The following NUDT21 variants were observed in gnomAD, a reference collection of about 807,000 sequenced individuals.
NUDT21 encodes the protein cleavage and polyadenylation specificity factor subunit 5.
In NUDT21, 5 loss-of-function variants were observed where a neutral mutation model predicts 29.8. The observed-to-expected ratio is 0.17, with a 90% CI of 0.09 to 0.35. NUDT21 has a LOEUF of 0.35. NUDT21 is among the 10% of genes least tolerant of loss of function. The probability of loss-of-function intolerance (pLI) is 1.00; values close to 1 mark genes in which losing one functional copy is unlikely to be tolerated. For missense variants in NUDT21, 76 were observed against 276.0 expected (o/e 0.28, Z 5.13); for synonymous variants, 113 against 98.5 (o/e 1.15, Z -0.87).
At chr16:56,438,144 C>T (rs1400577882) in intron 4 of NUDT21, among the ~76,000 whole-genome samples, 1 of 152,150 alleles carries the variant, frequency 6.6e-6, no homozygotes, top group Non-Finnish European at 1.5e-5. Flanking sequence ...CCTCCTATAG[C>T]GTACCAGGGT....
intron 6 of NUDT21, 106 bp from the exon 7 acceptor site, chr16:56,432,839 G>T: frequency 1.2e-6 from 1 of 805,174 alleles, no homozygotes. Context: ...TAGCATGTCT[G>T]GCATTTTCTT....
At chr16:56,435,743 T>TATATATATA (rs1491361552) in intron 4 of NUDT21, among the ~76,000 whole-genome samples, 9 of 27,048 alleles carry the variant, frequency 3.3e-4, no homozygotes, top group African/African-American at 5.6e-4. Context: ...AAAAAAAAAA[T>TATATATATA]TATATATATA....
At position 56,442,030 on chromosome 16, in the gene NUDT21, C is replaced by T. The variant is rs144574008; in HGVS notation, c.382-2284G>A. Among the ~76,000 whole-genome samples the T allele has an allele frequency of 2.9e-3, 435 of 152,306 alleles. 13 individuals carry two copies. In the South Asian group the frequency reaches 0.047, roughly 17 times the overall value. ...TCAGCCTCCCCTGCCCCCAGCCTCC[C>T]GAGTAGCTGGGACTACAGATGCAAG... is the stretch of plus-strand genomic sequence containing the variant. On this transcript the variant is annotated intron_variant, in intron 3 of 6. Transcript: ENST00000300291.
intron 3 of NUDT21, among the ~76,000 whole-genome samples, chr16:56,446,346 G>A (rs1311356062): frequency 6.6e-6 from 1 of 152,102 alleles, no homozygotes; most frequent in African/African-American, 2.4e-5. Context: ...GGTGATTAAA[G>A]GAATTAGCGC....
In NUDT21 at chr16:56,447,699, A is replaced by C. The variant is rs1002322328; in HGVS notation, c.317+90T>G. ...ATTAACAGCAGTGTTTGTTGAAATG[A>C]ATGACCGAGGGCTAAAATTGTATTC... On this transcript the variant is annotated intron_variant, in intron 2 of 6. Transcript: ENST00000300291. 46 of 1,156,158 alleles carry C rather than the reference A, an allele frequency of 4.0e-5. 1 individual carries two copies. The Middle Eastern group carries it at 6.0e-4, about 15-fold the overall frequency. 71.6% of individuals were successfully genotyped at this position (1,156,158 alleles called of 1,614,324 possible). A position where few individuals can be genotyped will look rare whatever the true frequency, so the allele number is the denominator to read the frequency against.
chr16:56,432,748 G>T lies in NUDT21; in HGVS notation c.663-15C>A. 1 of 1,583,936 alleles carries T rather than the reference G, an allele frequency of 6.3e-7. No individual in the cohort carries two copies. The highest frequency in any genetic ancestry group is 8.7e-7 in the Non-Finnish European group (1 of 1,154,496). On this transcript the variant is annotated splice_polypyrimidine_tract_variant and intron_variant, in intron 6 of 6. Coordinates refer to ENST00000300291, the MANE Select transcript of NUDT21 (RefSeq NM_007006.3). ...TAAAATTGAACCTGAATTTTAAAAAGAACAATACCTTTATTAAAGACAGTA... is the reference window on the plus strand; with the variant it reads ...TAAAATTGAACCTGAATTTTAAAAATAACAATACCTTTATTAAAGACAGTA...
rs183496351 is a variant in NUDT21, at chr16:56,447,688, T to G, written c.317+101A>C. ...CTAAAGACATCATTAACAGCAGTGT[T>G]TGTTGAAATGAATGACCGAGGGCTA... On this transcript the variant is annotated intron_variant, in intron 2 of 6. Coordinates refer to ENST00000300291, the MANE Select transcript of NUDT21 (RefSeq NM_007006.3). 92 of 986,522 alleles carry G rather than the reference T, an allele frequency of 9.3e-5. 1 individual carries two copies. In the African/African-American group the frequency reaches 1.4e-3, roughly 15 times the overall value. 61.1% of individuals were successfully genotyped at this position (986,522 alleles called of 1,614,324 possible). A position where few individuals can be genotyped will look rare whatever the true frequency, so the allele number is the denominator to read the frequency against.
Position 56,429,727 on chromosome 16 carries a change from T to G in NUDT21, c.*2985A>C, listed in dbSNP as rs1255878087. 1 of 152,220 alleles carries G rather than the reference T, an allele frequency of 6.6e-6. No homozygotes were observed. The highest frequency in any genetic ancestry group is 2.4e-5 in the African/African-American group (1 of 41,468). The allele number at this position is 152,220 out of a possible 1,614,324, so 9.4% of individuals were successfully genotyped here. A position where few individuals can be genotyped will look rare whatever the true frequency, so the allele number is the denominator to read the frequency against. The stretch of plus-strand genomic sequence containing the variant: ...GACTTATACTACAGTCAACAACCAC[T>G]AAGCCTTCTTTGGCAATGAAACATA... On this transcript the variant is annotated 3_prime_UTR_variant, in exon 7 of 7. Coordinates refer to ENST00000300291, the MANE Select transcript of NUDT21 (RefSeq NM_007006.3).
At chr16:56,436,497 C>A (rs1962105580) in intron 4 of NUDT21, among the ~76,000 whole-genome samples, 2 of 152,174 alleles carry the variant, frequency 1.3e-5, no homozygotes, top group African/African-American at 4.8e-5. Flanking sequence ...CCCTAGGGTA[C>A]AATGAATTGA....
chr16:56,440,389 C>G (rs992641821), intron 3 of NUDT21, among the ~76,000 whole-genome samples: 1 of 152,214 alleles, frequency 6.6e-6, no homozygotes, highest in Non-Finnish European at 1.5e-5. Context: ...ATTCAGATAT[C>G]CATAGTCTTT....
At chr16:56,448,168 C>A (rs1302061746) in intron 1 of NUDT21, among the ~76,000 whole-genome samples, 179 bp from the exon 2 acceptor site, 2 of 152,188 alleles carry the variant, frequency 1.3e-5, no homozygotes, top group Non-Finnish European at 2.9e-5. Context: ...TCTCTGGACT[C>A]TTAAAGCCAG....
intron 3 of NUDT21, among the ~76,000 whole-genome samples, chr16:56,443,570 G>A (rs1387311068): frequency 2.6e-5 from 4 of 152,206 alleles, no homozygotes; most frequent in Non-Finnish European, 4.4e-5. Context: ...TCCCCAATGT[G>A]ACAGTGTTGG....
intron 2 of NUDT21, chr16:56,447,514 TC>T: frequency 2.4e-6 from 1 of 418,506 alleles, no homozygotes; most frequent in East Asian, 4.8e-5. Flanking sequence ...TACAATGACA[TC>T]TAGACATTGA....
Sources: allele counts gnomAD v4.1 joint callset (sites outside exome capture counted in the v4.1 genomes callset), GRCh38; gene constraint gnomAD v4.1.1; transcripts MANE v1.5; gene names NCBI Gene and HGNC (gene_info 2026-07-23, HGNC 2026-07-21).